The following NRXN3 variants were observed in gnomAD, a reference collection of about 807,000 sequenced individuals.
NRXN3 encodes the protein neurexin III.
Under a neutral mutation model 137.6 loss-of-function variants are expected in NRXN3, and 32 were observed. That is an observed-to-expected ratio of 0.23 (90% CI 0.18 to 0.31). The LOEUF (loss-of-function observed/expected upper bound fraction) is 0.31, where lower values mean the gene tolerates loss of function less well. Among genes scored for constraint, NRXN3 ranks in the 10% least tolerant of loss-of-function variants. NRXN3 has a pLI of 1.00. For missense variants in NRXN3, 1,574 were observed against 2,062.5 expected (o/e 0.76, Z 4.59); for synonymous variants, 798 against 784.5 (o/e 1.02, Z -0.29).
At chr14:78,935,643 A>T (rs1002040165) in intron 10 of NRXN3, among the ~76,000 whole-genome samples, 2 of 152,186 alleles carry the variant, frequency 1.3e-5, no homozygotes, top group Admixed American at 1.3e-4. Flanking sequence ...AATATTTTAA[A>T]TCCAGAGCTG....
At chr14:78,358,804 G>A (rs1262071899) in intron 4 of NRXN3, among the ~76,000 whole-genome samples, 2 of 152,256 alleles carry the variant, frequency 1.3e-5, no homozygotes, top group East Asian at 3.9e-4. Flanking sequence ...TGGCTTGGAA[G>A]GACCTTGTGT....
chr14:79,234,739 G>T lies in NRXN3; in HGVS notation c.3263-232482G>T, dbSNP rs1013789850. ...TGCATATTAGCAAATTAAATGTTCT[G>T]TGAAGTCTTGTATTAAGTACATCTT... On this transcript the variant is annotated intron_variant, in intron 15 of 20. Transcript: ENST00000335750. 2.6e-5 allele frequency among the ~76,000 whole-genome samples: 4 copies of T among 151,868 alleles called. No individual in the cohort carries two copies. In the South Asian group the frequency reaches 6.2e-4, roughly 24 times the overall value.
chr14:79,330,955 C>T (rs890380769), intron 15 of NRXN3, among the ~76,000 whole-genome samples: 8 of 152,184 alleles, frequency 5.3e-5, no homozygotes, highest in Admixed American at 3.3e-4. Context: ...GGCTCAGTAA[C>T]GTTTCACTTA....
At chr14:78,963,450 C>G (rs1332197804) in intron 11 of NRXN3, among the ~76,000 whole-genome samples, 1 of 152,184 alleles carries the variant, frequency 6.6e-6, no homozygotes, top group Non-Finnish European at 1.5e-5. Flanking sequence ...ATGACTCCCC[C>G]TCCCCATCAT....
intron 20 of NRXN3, among the ~76,000 whole-genome samples, chr14:79,856,435 T>C (rs964815533): frequency 6.6e-6 from 1 of 152,140 alleles, no homozygotes; most frequent in Admixed American, 6.5e-5. Context: ...AAATTTGGAA[T>C]AATGCAAATA....
chr14:78,724,079 T>C (rs138919771), intron 8 of NRXN3, among the ~76,000 whole-genome samples: 286 of 152,358 alleles, frequency 1.9e-3, no homozygotes, highest in African/African-American at 6.6e-3. Context: ...TGTCTCTCTT[T>C]GTCTTGTAAA....
intron 10 of NRXN3, among the ~76,000 whole-genome samples, chr14:78,941,573 T>C (rs2099353055): frequency 6.6e-6 from 1 of 152,182 alleles, no homozygotes; most frequent in South Asian, 2.1e-4. Context: ...GTTCTACCCA[T>C]CACTCACACA....
intron 4 of NRXN3, among the ~76,000 whole-genome samples, chr14:78,556,741 G>A (rs900291796): frequency 6.6e-6 from 1 of 152,030 alleles, no homozygotes; most frequent in Non-Finnish European, 1.5e-5. Context: ...AAGCTCCACT[G>A]AATTAACAAA....
chr14:79,296,541 G>GT (rs2084185445), intron 15 of NRXN3, among the ~76,000 whole-genome samples: 1 of 151,990 alleles, frequency 6.6e-6, no homozygotes, highest in Non-Finnish European at 1.5e-5. Context: ...TGGTGAAGGA[G>GT]TTTGGGGCTC....
At chr14:78,833,881 G>A (rs1273782648) in intron 10 of NRXN3, among the ~76,000 whole-genome samples, 2 of 152,134 alleles carry the variant, frequency 1.3e-5, no homozygotes, top group Non-Finnish European at 2.9e-5. Context: ...TATTTATTGA[G>A]CACCCATATT....
At chr14:79,624,201 AC>A (rs1415792090) in intron 16 of NRXN3, among the ~76,000 whole-genome samples, 1 of 152,218 alleles carries the variant, frequency 6.6e-6, no homozygotes, top group African/African-American at 2.4e-5. Context: ...CCAAAGAGCC[AC>A]GTTATTGTCC....
At chr14:79,694,016 A>G (rs956264866) in intron 18 of NRXN3, among the ~76,000 whole-genome samples, 2 of 151,978 alleles carry the variant, frequency 1.3e-5, no homozygotes, top group South Asian at 4.1e-4. Context: ...AATAAAATAT[A>G]CCAAAGACTT....
chr14:78,816,282 T>C (rs1339151673), intron 10 of NRXN3, among the ~76,000 whole-genome samples: 1 of 152,178 alleles, frequency 6.6e-6, no homozygotes, highest in African/African-American at 2.4e-5. Context: ...CAAACTCCTT[T>C]TCCCAAAGGC....
At chr14:79,557,563 AC>A (rs2097443016) in intron 16 of NRXN3, among the ~76,000 whole-genome samples, 3 of 152,232 alleles carry the variant, frequency 2.0e-5, no homozygotes, top group Non-Finnish European at 4.4e-5. Flanking sequence ...TATAAAATTT[AC>A]GTTGACATTC....
intron 11 of NRXN3, among the ~76,000 whole-genome samples, chr14:78,965,719 G>C (rs547813777): frequency 6.6e-6 from 1 of 152,252 alleles, no homozygotes; most frequent in South Asian, 2.1e-4. Flanking sequence ...GTGTATTAGT[G>C]TCCAGTGATT....
At chr14:79,438,679 A>G (rs1273412474) in intron 15 of NRXN3, among the ~76,000 whole-genome samples, 1 of 152,238 alleles carries the variant, frequency 6.6e-6, no homozygotes, top group African/African-American at 2.4e-5. Context: ...AAGCTATTTT[A>G]AACAAATATG....
intron 15 of NRXN3, among the ~76,000 whole-genome samples, chr14:79,098,499 G>A (rs772442754): frequency 6.6e-6 from 1 of 152,126 alleles, no homozygotes; most frequent in Non-Finnish European, 1.5e-5. Context: ...CTGGCTCCGG[G>A]TTTGCTGTGT....
chr14:79,342,594 C>T (rs922573717), intron 15 of NRXN3, among the ~76,000 whole-genome samples: 1 of 151,780 alleles, frequency 6.6e-6, no homozygotes, highest in African/African-American at 2.4e-5. Flanking sequence ...TTTAAGTCTG[C>T]TGAATTGGAG....
intron 9 of NRXN3, among the ~76,000 whole-genome samples, chr14:78,805,962 C>A (rs1046661837): frequency 8.5e-5 from 13 of 152,112 alleles, no homozygotes; most frequent in Admixed American, 2.6e-4. Context: ...GGTCATACAT[C>A]CCACATGCAT....
Sources: allele counts gnomAD v4.1 joint callset (sites outside exome capture counted in the v4.1 genomes callset), GRCh38; gene constraint gnomAD v4.1.1; transcripts MANE v1.5; gene names NCBI Gene and HGNC (gene_info 2026-07-23, HGNC 2026-07-21).